The following DHRS7B variants were observed in gnomAD, a reference collection of about 807,000 sequenced individuals.
DHRS7B encodes dehydrogenase/reductase 7B.
A neutral mutation model predicts 26.4 loss-of-function variants in DHRS7B; 24 were observed. The observed-to-expected ratio is 0.91, with a 90% CI of 0.66 to 1.28. The LOEUF (loss-of-function observed/expected upper bound fraction) is 1.28. Ranked by LOEUF, DHRS7B falls within the 50% of genes most tolerant of loss-of-function variation. The pLI is 0.00. For missense variants in DHRS7B, 368 were observed against 419.4 expected, an observed-to-expected ratio of 0.88 and a Z score of 1.07; for synonymous variants, 142 against 166.4, an observed-to-expected ratio of 0.85 and a Z score of 1.13.
Position 21,143,803 on chromosome 17 carries a change from G to T in DHRS7B, c.20+16812G>T, listed in dbSNP as rs577163749. 2.6e-5 allele frequency among the ~76,000 whole-genome samples: 4 copies of T among 152,352 alleles called. No individual in the cohort carries two copies. The East Asian group carries it at 7.7e-4, about 29-fold the overall frequency. On this transcript the variant is annotated intron_variant, in intron 1 of 6. Transcript: ENST00000395511. ...CTGACTCTTCGGGGTAGCAATTGGG[G>T]TGCTGAAATCCCAGTTACTGAAAAC... is the stretch of plus-strand genomic sequence containing the variant.
intron 3 of DHRS7B, among the ~76,000 whole-genome samples, chr17:21,180,143 T>C (rs546613620): frequency 3.3e-4 from 49 of 149,288 alleles, no homozygotes; most frequent in Admixed American, 9.3e-4. Flanking sequence ...GACACGATCT[T>C]GGCTCCCTGC....
At position 21,180,619 on chromosome 17, in the gene DHRS7B, T is replaced by C. The variant is rs530271658; in HGVS notation, c.309+2277T>C. Among the ~76,000 whole-genome samples the C allele has an allele frequency of 1.1e-3, 174 of 152,128 alleles. 1 individual carries two copies. The highest frequency in any genetic ancestry group is 3.9e-3 in the African/African-American group (162 of 41,474). On this transcript the variant is annotated intron_variant, in intron 3 of 6. Coordinates refer to ENST00000395511, the MANE Select transcript of DHRS7B (RefSeq NM_015510.5). The stretch of plus-strand genomic sequence containing the variant: ...TCAGTTGGTCTATATGTCTGTCTTA[T>C]GTCAGTACCATACTGGGTTTTCTCC...
At chr17:21,135,432 A>C (rs1370783822) in intron 1 of DHRS7B, among the ~76,000 whole-genome samples, 2 of 152,232 alleles carry the variant, frequency 1.3e-5, no homozygotes, top group African/African-American at 4.8e-5. Context: ...AGTTTGTCAA[A>C]TATCAAAGGT....
intron 3 of DHRS7B, among the ~76,000 whole-genome samples, chr17:21,179,100 A>G (rs546862084): frequency 6.6e-6 from 1 of 151,966 alleles, no homozygotes; most frequent in East Asian, 1.9e-4. Flanking sequence ...ATGTGCCACC[A>G]CACCCAGCTA....
At position 21,191,353 on chromosome 17, in the gene DHRS7B, CACTT is replaced by C; in HGVS notation, c.*202_*205del. The C allele has an allele frequency of 6.7e-6, 4 of 598,150 alleles. No individual in the cohort carries two copies. Among genetic ancestry groups the C allele is most frequent in the Middle Eastern group, 4.5e-4 (1 of 2,232 alleles). 37.1% of individuals were successfully genotyped at this position (598,150 alleles called of 1,614,324 possible). On this transcript the variant is annotated 3_prime_UTR_variant, in exon 7 of 7. Coordinates refer to ENST00000395511, the MANE Select transcript of DHRS7B (RefSeq NM_015510.5). ...AGCTTCTTCCCAGGGTGAGGGGAAA[CACTT>C]AAGGAATAAATATGGAGCTGGGGTT...
intron 3 of DHRS7B, among the ~76,000 whole-genome samples, chr17:21,180,675 T>G (rs1974498021): frequency 6.7e-6 from 1 of 148,602 alleles, no homozygotes; most frequent in Non-Finnish European, 1.5e-5. Flanking sequence ...AGCATGAGGG[T>G]AGGAAGGGGG....
At chr17:21,147,710 T>C (rs1973672221) in intron 1 of DHRS7B, among the ~76,000 whole-genome samples, 1 of 152,128 alleles carries the variant, frequency 6.6e-6, no homozygotes, top group African/African-American at 2.4e-5. Context: ...TGTCCCTGCC[T>C]TAACCCACAG....
chr17:21,152,794 C>G (rs1286064034), intron 1 of DHRS7B, among the ~76,000 whole-genome samples: 1 of 152,220 alleles, frequency 6.6e-6, no homozygotes, highest in African/African-American at 2.4e-5. Context: ...TAATACCCAA[C>G]TCCAGCCCTC....
chr17:21,145,315 C>T (rs574634678), intron 1 of DHRS7B, among the ~76,000 whole-genome samples: 9 of 150,352 alleles, frequency 6.0e-5, no homozygotes, highest in East Asian at 1.9e-4. Flanking sequence ...CAGAGCGAGA[C>T]GCCGTCTAAA....
At chr17:21,147,011 T>G (rs564011073) in intron 1 of DHRS7B, among the ~76,000 whole-genome samples, 1 of 152,354 alleles carries the variant, frequency 6.6e-6, no homozygotes, top group Non-Finnish European at 1.5e-5. Context: ...TGCCGTGCAC[T>G]ACTATGAAGA....
At chr17:21,168,841 G>T (rs1228847540) in intron 1 of DHRS7B, 11 of 985,360 alleles carry the variant, frequency 1.1e-5, no homozygotes, top group Non-Finnish European at 1.1e-5. Flanking sequence ...GACCAAGGCT[G>T]GCCTGTGATG....
chr17:21,139,534 C>T (rs1973441587), intron 1 of DHRS7B, among the ~76,000 whole-genome samples: 2 of 151,962 alleles, frequency 1.3e-5, no homozygotes, highest in African/African-American at 4.8e-5. Context: ...ATTAGCTGGG[C>T]GTGGTGGCAC....
intron 2 of DHRS7B, chr17:21,172,581 C>T (rs1420239837): frequency 9.6e-6 from 3 of 312,100 alleles, no homozygotes; most frequent in Admixed American, 4.5e-5. Flanking sequence ...GTGTTTTTAC[C>T]TCTATGAGGA....
At position 21,172,820 on chromosome 17, in the gene DHRS7B, G is replaced by A. The variant is rs147343326; in HGVS notation, c.199+624G>A. ...TGAGCTTCTAAGTCTCAGGAATGGTGTACCGGGACCCTGGCCTGGAGTGTC... is the reference window on the plus strand; with the variant it reads ...TGAGCTTCTAAGTCTCAGGAATGGTATACCGGGACCCTGGCCTGGAGTGTC... On this transcript the variant is annotated intron_variant, in intron 2 of 6. Coordinates refer to ENST00000395511, the MANE Select transcript of DHRS7B (RefSeq NM_015510.5). Among the ~76,000 whole-genome samples, 15 of 152,318 alleles carry A rather than the reference G, an allele frequency of 9.8e-5. 1 individual carries two copies. Among genetic ancestry groups the A allele is most frequent in the Admixed American group, 1.3e-4 (2 of 15,304 alleles).
chr17:21,176,289 G>A (rs1423008403), intron 2 of DHRS7B, among the ~76,000 whole-genome samples: 2 of 151,940 alleles, frequency 1.3e-5, no homozygotes, highest in Non-Finnish European at 2.9e-5. Flanking sequence ...TGCCCGGCCA[G>A]AACATTTTTA....
chr17:21,174,574 T>A (rs1045599440), intron 2 of DHRS7B, among the ~76,000 whole-genome samples: 17 of 152,246 alleles, frequency 1.1e-4, no homozygotes, highest in African/African-American at 3.6e-4. Context: ...TTCATTTCTG[T>A]CACTCCCTAC....
chr17:21,184,858 A>G (rs1739082418), intron 5 of DHRS7B, among the ~76,000 whole-genome samples: 1 of 152,228 alleles, frequency 6.6e-6, no homozygotes, highest in African/African-American at 2.4e-5. Flanking sequence ...TTTGGGGCAT[A>G]TGCTTCCACA....
chr17:21,143,507 A>ATGT (rs1973572726), intron 1 of DHRS7B, among the ~76,000 whole-genome samples: 1 of 152,224 alleles, frequency 6.6e-6, no homozygotes, highest in Non-Finnish European at 1.5e-5. Flanking sequence ...AAGTTGGCAT[A>ATGT]TATAGTGTTT....
chr17:21,166,525 T>A, intron 1 of DHRS7B: 3 of 912,812 alleles, frequency 3.3e-6, no homozygotes, highest in Non-Finnish European at 3.8e-6. Context: ...ATGTGGCTTC[T>A]CAGACATTTG....
Sources: allele counts gnomAD v4.1 joint callset (sites outside exome capture counted in the v4.1 genomes callset), GRCh38; gene constraint gnomAD v4.1.1; transcripts MANE v1.5; gene names NCBI Gene and HGNC (gene_info 2026-07-23, HGNC 2026-07-21).